Variants in PBX1 observed in about 807,000 individuals in gnomAD.
PBX1 encodes pre-B-cell leukemia transcription factor 1.
A neutral mutation model predicts 53.4 loss-of-function variants in PBX1; 6 were observed. The ratio of observed to expected loss-of-function variants is 0.11; its 90% CI spans 0.06 to 0.22. PBX1 has a LOEUF of 0.22. Among genes scored for constraint, PBX1 ranks in the 10% least tolerant of loss-of-function variants. The pLI, the probability that PBX1 is intolerant of heterozygous loss-of-function variation, is 1.00. For missense variants in PBX1, 251 were observed against 551.4 expected, an observed-to-expected ratio of 0.46 and a Z score of 5.46; for synonymous variants, 204 against 212.3, an observed-to-expected ratio of 0.96 and a Z score of 0.34.
At chr1:164,714,091 A>G (rs1005565617) in intron 2 of PBX1, among the ~76,000 whole-genome samples, 2 of 152,224 alleles carry the variant, frequency 1.3e-5, no homozygotes, top group Non-Finnish European at 2.9e-5. Context: ...TAAAGATCCA[A>G]ACTAAGGTTT....
At chr1:164,637,056 G>A (rs1432455071) in intron 2 of PBX1, among the ~76,000 whole-genome samples, 1 of 152,140 alleles carries the variant, frequency 6.6e-6, no homozygotes, top group African/African-American at 2.4e-5. Context: ...TTCAGCTTGG[G>A]AAACTGACCT....
At chr1:164,765,420 T>C (rs1667013336) in intron 2 of PBX1, among the ~76,000 whole-genome samples, 1 of 152,188 alleles carries the variant, frequency 6.6e-6, no homozygotes, top group African/African-American at 2.4e-5. Context: ...AAGAGGGAAC[T>C]TGGCTTCATC....
chr1:164,744,194 G>A (rs182992550), intron 2 of PBX1, among the ~76,000 whole-genome samples: 10 of 152,280 alleles, frequency 6.6e-5, no homozygotes, highest in Admixed American at 3.9e-4. Flanking sequence ...GATGGGAAGT[G>A]AAAGTCAGAA....
At chr1:164,576,185 G>A (rs979646366) in intron 2 of PBX1, among the ~76,000 whole-genome samples, 1 of 152,240 alleles carries the variant, frequency 6.6e-6, no homozygotes, top group African/African-American at 2.4e-5. Context: ...GTGCTAAGAC[G>A]AGATGCCCTT....
chr1:164,704,551 G>A lies in PBX1; in HGVS notation c.266-87943G>A, dbSNP rs147939892. Among the ~76,000 whole-genome samples, 891 of 152,240 alleles carry A rather than the reference G, an allele frequency of 5.9e-3. 11 individuals carry two copies. Among genetic ancestry groups the A allele is most frequent in the African/African-American group, 0.02 (826 of 41,548 alleles). On this transcript the variant is annotated intron_variant, in intron 2 of 8. Transcript: ENST00000420696. ...GACTTATTAATATTAAAGACTGAGAGTACGCACATTTTATACCTTAACTGA... is the reference window on the plus strand; with the variant it reads ...GACTTATTAATATTAAAGACTGAGAATACGCACATTTTATACCTTAACTGA...
chr1:164,759,356 C>T (rs1666692441), intron 2 of PBX1, among the ~76,000 whole-genome samples: 1 of 152,050 alleles, frequency 6.6e-6, no homozygotes, highest in Non-Finnish European at 1.5e-5. Flanking sequence ...CTTATGTATG[C>T]CATTAACATA....
intron 2 of PBX1, among the ~76,000 whole-genome samples, chr1:164,772,554 A>G (rs973860618): frequency 2.0e-5 from 3 of 152,256 alleles, no homozygotes; most frequent in African/African-American, 7.2e-5. Flanking sequence ...CCAGGATCAC[A>G]TATCAATTTG....
At chr1:164,670,942 G>A (rs1197825250) in intron 2 of PBX1, among the ~76,000 whole-genome samples, 1 of 152,180 alleles carries the variant, frequency 6.6e-6, no homozygotes, top group Non-Finnish European at 1.5e-5. Flanking sequence ...TTTCTGGTAA[G>A]TGTTCCCTAA....
intron 2 of PBX1, among the ~76,000 whole-genome samples, chr1:164,706,024 G>C (rs1269373659): frequency 6.6e-6 from 1 of 152,120 alleles, no homozygotes; most frequent in Non-Finnish European, 1.5e-5. Context: ...TTTGGTTTTT[G>C]ATTGCTGAGT....
At chr1:164,648,118 C>T (rs1010282660) in intron 2 of PBX1, among the ~76,000 whole-genome samples, 1 of 152,090 alleles carries the variant, frequency 6.6e-6, no homozygotes, top group African/African-American at 2.4e-5. Flanking sequence ...CCCAGCCCAC[C>T]CCAGCTTTTG....
At chr1:164,705,468 TA>T (rs1367492978) in intron 2 of PBX1, among the ~76,000 whole-genome samples, 1 of 152,208 alleles carries the variant, frequency 6.6e-6, no homozygotes, top group Non-Finnish European at 1.5e-5. Context: ...ATTTTTCATA[TA>T]AATTTTGGGG....
rs189789097 is a variant in PBX1, at chr1:164,628,924, C to A, written c.265+65613C>A. On this transcript the variant is annotated intron_variant, in intron 2 of 8. Transcript: ENST00000420696. ...ATATTGTCTTTTTCTTTTTAAGTCTCCCTTTGCTCATGTCCCTCTCAAGTA... is the reference window on the plus strand; with the variant it reads ...ATATTGTCTTTTTCTTTTTAAGTCTACCTTTGCTCATGTCCCTCTCAAGTA... 2.6e-5 allele frequency among the ~76,000 whole-genome samples: 4 copies of A among 152,264 alleles called. No individual in the cohort carries two copies. The East Asian group carries it at 7.7e-4, about 29-fold the overall frequency.
chr1:164,579,122 G>T (rs1285979385), intron 2 of PBX1, among the ~76,000 whole-genome samples: 4 of 152,122 alleles, frequency 2.6e-5, no homozygotes, highest in Non-Finnish European at 4.4e-5. Flanking sequence ...GTACTGAGAG[G>T]AAGTGTGAAA....
At chr1:164,631,286 C>CTT (rs987731570) in intron 2 of PBX1, among the ~76,000 whole-genome samples, 1 of 140,474 alleles carries the variant, frequency 7.1e-6, no homozygotes, top group Non-Finnish European at 1.6e-5. Context: ...TTTTTTTTTT[C>CTT]TTTTTTTTTT....
intron 2 of PBX1, among the ~76,000 whole-genome samples, chr1:164,710,244 G>T (rs962305427): frequency 6.6e-6 from 1 of 152,068 alleles, no homozygotes; most frequent in Non-Finnish European, 1.5e-5. Flanking sequence ...ACATCAGAGG[G>T]AATTTCTTTT....
At chr1:164,822,622 T>A (rs544706295) in intron 8 of PBX1, among the ~76,000 whole-genome samples, 77 of 152,266 alleles carry the variant, frequency 5.1e-4, no homozygotes, top group African/African-American at 1.8e-3. Context: ...TTCTGTCTGG[T>A]TTGGGAGGAT....
intron 2 of PBX1, among the ~76,000 whole-genome samples, chr1:164,725,574 G>A (rs1019249816): frequency 1.3e-5 from 2 of 152,044 alleles, no homozygotes; most frequent in Non-Finnish European, 2.9e-5. Flanking sequence ...CTGGTGGTTT[G>A]CCAAACTGGC....
chr1:164,602,754 C>T (rs368177559), intron 2 of PBX1, among the ~76,000 whole-genome samples: 4 of 151,690 alleles, frequency 2.6e-5, no homozygotes, highest in Admixed American at 2.0e-4. Context: ...CTTACTTGCA[C>T]GAAAGGGCTC....
At chr1:164,668,094 TTCC>T (rs1660908400) in intron 2 of PBX1, among the ~76,000 whole-genome samples, 3 of 152,168 alleles carry the variant, frequency 2.0e-5, no homozygotes, top group Non-Finnish European at 2.9e-5. Context: ...CCTAGGTGAA[TTCC>T]TCCTTTACGT....
Sources: gnomAD v4.1 joint callset for allele counts (sites outside exome capture counted in the v4.1 genomes callset) on GRCh38, gnomAD v4.1.1 for gene constraint, MANE v1.5 for transcripts, NCBI Gene and HGNC (gene_info 2026-07-23, HGNC 2026-07-21) for gene names.